The following CACNA2D3 variants were observed in gnomAD, a reference collection of about 807,000 sequenced individuals.
The protein encoded by CACNA2D3 is voltage-dependent calcium channel subunit alpha-2/delta-3.
CACNA2D3 carries 60 observed loss-of-function variants against 160.6 expected under a neutral mutation model. That is an observed-to-expected ratio of 0.37 (90% CI 0.30 to 0.46). The LOEUF (loss-of-function observed/expected upper bound fraction) is 0.46. Among genes scored for constraint, CACNA2D3 ranks in the 20% least tolerant of loss-of-function variants. The pLI, the probability that CACNA2D3 is intolerant of heterozygous loss-of-function variation, is 1.00. For missense variants in CACNA2D3, 1,205 were observed against 1,365.0 expected, an observed-to-expected ratio of 0.88 and a Z score of 1.85; for synonymous variants, 558 against 492.9, an observed-to-expected ratio of 1.13 and a Z score of -1.75.
At chr3:54,804,370 G>A (rs565377084) in intron 13 of CACNA2D3, among the ~76,000 whole-genome samples, 7 of 152,096 alleles carry the variant, frequency 4.6e-5, no homozygotes, top group African/African-American at 1.7e-4. Flanking sequence ...GATCTACCAA[G>A]CAAATGGAAA....
chr3:55,045,766 G>C (rs1425352445), intron 35 of CACNA2D3, among the ~76,000 whole-genome samples: 3 of 150,774 alleles, frequency 2.0e-5, no homozygotes, highest in Non-Finnish European at 4.4e-5. Context: ...AATAGTTTTA[G>C]TTTATGTCTT....
intron 3 of CACNA2D3, among the ~76,000 whole-genome samples, chr3:54,345,238 G>T (rs1381497671): frequency 6.6e-6 from 1 of 152,190 alleles, no homozygotes; most frequent in Admixed American, 6.5e-5. Flanking sequence ...TTTTGAGCGA[G>T]ATCCAAGAAC....
intron 27 of CACNA2D3, among the ~76,000 whole-genome samples, chr3:54,928,606 T>C (rs955851143): frequency 3.3e-5 from 5 of 152,314 alleles, no homozygotes; most frequent in African/African-American, 9.6e-5. Context: ...CTGAAATTCA[T>C]AGCCATGGTT....
intron 11 of CACNA2D3, among the ~76,000 whole-genome samples, chr3:54,655,670 G>T (rs893569337): frequency 3.3e-5 from 5 of 151,952 alleles, no homozygotes; most frequent in Admixed American, 2.6e-4. Context: ...TGAACTCCTG[G>T]TATCTATCAA....
intron 5 of CACNA2D3, among the ~76,000 whole-genome samples, chr3:54,553,974 C>CT (rs1476143856): frequency 2.0e-5 from 3 of 152,194 alleles, no homozygotes; most frequent in African/African-American, 7.2e-5. Context: ...TGGCAGGAAA[C>CT]TTGCCTATCT....
At chr3:54,255,780 T>C (rs993007312) in intron 2 of CACNA2D3, among the ~76,000 whole-genome samples, 13 of 152,190 alleles carry the variant, frequency 8.5e-5, no homozygotes, top group African/African-American at 3.1e-4. Context: ...GCCTCTTCTT[T>C]ACCTCTACTG....
intron 3 of CACNA2D3, among the ~76,000 whole-genome samples, chr3:54,361,179 AAGT>A (rs1344791958): frequency 1.3e-5 from 2 of 151,566 alleles, no homozygotes; most frequent in African/African-American, 2.4e-5. Flanking sequence ...ATGGAAGGTT[AAGT>A]ACCAAGCAAA....
At chr3:54,902,770 A>G (rs1381297889) in intron 27 of CACNA2D3, among the ~76,000 whole-genome samples, 1 of 152,238 alleles carries the variant, frequency 6.6e-6, no homozygotes, top group Non-Finnish European at 1.5e-5. Flanking sequence ...TCTATCTAAA[A>G]TAGGCTTGGG....
At chr3:54,157,257 G>A (rs1000644131) in intron 2 of CACNA2D3, among the ~76,000 whole-genome samples, 1 of 152,162 alleles carries the variant, frequency 6.6e-6, no homozygotes, top group Non-Finnish European at 1.5e-5. Flanking sequence ...CCAACTTCAT[G>A]ACTCTTTTTA....
At chr3:54,983,999 C>T (rs1022139923) in intron 29 of CACNA2D3, among the ~76,000 whole-genome samples, 4 of 152,252 alleles carry the variant, frequency 2.6e-5, no homozygotes, top group East Asian at 1.9e-4. Context: ...CAAAAGCTAA[C>T]GGCCCTGCCC....
At chr3:54,494,728 G>A (rs1175710036) in intron 4 of CACNA2D3, among the ~76,000 whole-genome samples, 1 of 152,178 alleles carries the variant, frequency 6.6e-6, no homozygotes, top group Non-Finnish European at 1.5e-5. Context: ...AAAGGAAAGA[G>A]GTTTAATTGA....
At chr3:54,694,675 C>T (rs1181131997) in intron 11 of CACNA2D3, among the ~76,000 whole-genome samples, 1 of 152,136 alleles carries the variant, frequency 6.6e-6, no homozygotes, top group Non-Finnish European at 1.5e-5. Flanking sequence ...TCAAGTAGCT[C>T]TTTTGAAAAA....
At chr3:54,509,869 T>C (rs994033215) in intron 5 of CACNA2D3, among the ~76,000 whole-genome samples, 4 of 152,248 alleles carry the variant, frequency 2.6e-5, no homozygotes, top group Admixed American at 6.5e-5. Flanking sequence ...TTCAAGTCTA[T>C]TGGCAATGCC....
intron 4 of CACNA2D3, among the ~76,000 whole-genome samples, chr3:54,453,398 A>G (rs1428053542): frequency 6.6e-6 from 1 of 152,196 alleles, no homozygotes; most frequent in African/African-American, 2.4e-5. Flanking sequence ...TTTCCAAGTA[A>G]GGTCACAATC....
At chr3:54,311,249 C>T (rs1703734429) in intron 2 of CACNA2D3, among the ~76,000 whole-genome samples, 1 of 152,150 alleles carries the variant, frequency 6.6e-6, no homozygotes, top group Non-Finnish European at 1.5e-5. Context: ...ATAGGATGAG[C>T]TTACAGCTTA....
intron 14 of CACNA2D3, among the ~76,000 whole-genome samples, chr3:54,818,164 T>G (rs762545960): frequency 6.6e-6 from 1 of 152,162 alleles, no homozygotes; most frequent in Admixed American, 6.5e-5. Flanking sequence ...ATTCATGAAT[T>G]GGAGGTGCCA....
At chr3:54,662,586 C>G (rs1312079139) in intron 11 of CACNA2D3, among the ~76,000 whole-genome samples, 3 of 152,188 alleles carry the variant, frequency 2.0e-5, no homozygotes, top group Non-Finnish European at 4.4e-5. Context: ...CTCACCTTCT[C>G]CATATCCAAG....
intron 9 of CACNA2D3, among the ~76,000 whole-genome samples, chr3:54,606,441 G>C (rs1372781248): frequency 6.6e-6 from 1 of 152,128 alleles, no homozygotes; most frequent in Non-Finnish European, 1.5e-5. Flanking sequence ...ACCCCAGGGT[G>C]AGAGTGGTGG....
chr3:54,561,424 G>A (rs777182002), intron 5 of CACNA2D3, among the ~76,000 whole-genome samples: 3 of 152,176 alleles, frequency 2.0e-5, no homozygotes, highest in Admixed American at 6.5e-5. Flanking sequence ...GCACATTGAT[G>A]TTGTATCCTC....
Sources: gnomAD v4.1 joint callset for allele counts (sites outside exome capture counted in the v4.1 genomes callset) on GRCh38, gnomAD v4.1.1 for gene constraint, MANE v1.5 for transcripts, NCBI Gene and HGNC (gene_info 2026-07-23, HGNC 2026-07-21) for gene names.